CDC42BPA: variants seen among roughly 807,000 people sequenced by gnomAD.
CDC42BPA encodes CDC42 binding protein kinase alpha.
Under a neutral mutation model 223.5 loss-of-function variants are expected in CDC42BPA, and 80 were observed. The observed-to-expected ratio is 0.36, with a 90% confidence interval of 0.30 to 0.43. The LOEUF (loss-of-function observed/expected upper bound fraction) is 0.43, where lower values mean the gene tolerates loss of function less well. CDC42BPA is among the 20% of genes least tolerant of loss of function. The pLI is 1.00. For missense variants in CDC42BPA, 1,743 were observed against 2,099.9 expected (o/e 0.83, Z 3.32); for synonymous variants, 694 against 718.6 (o/e 0.97, Z 0.55).
At chr1:227,043,519 A>T (rs1032759757) in intron 23 of CDC42BPA, among the ~76,000 whole-genome samples, 2 of 152,150 alleles carry the variant, frequency 1.3e-5, no homozygotes, top group Non-Finnish European at 2.9e-5. Context: ...TCTTTTAAAA[A>T]ACATGAAATA....
At chr1:227,293,424 G>A (rs1266740893) in intron 1 of CDC42BPA, among the ~76,000 whole-genome samples, 2 of 151,550 alleles carry the variant, frequency 1.3e-5, no homozygotes, top group Non-Finnish European at 2.9e-5. Context: ...TATGAGAACT[G>A]GTTATACAAT....
rs1025840587 is a variant in CDC42BPA, at chr1:227,317,548, A to G, written c.-366T>C. 7.5e-6 allele frequency: 3 copies of G among 398,664 alleles called. No homozygotes were observed. The highest frequency in any genetic ancestry group is 1.3e-5 in the Non-Finnish European group (3 of 226,244). 24.7% of individuals were successfully genotyped at this position (398,664 alleles called of 1,614,324 possible). On this transcript the variant is annotated 5_prime_UTR_variant, in exon 1 of 37. Coordinates refer to ENST00000366766, the MANE Select transcript of CDC42BPA (RefSeq NM_001394014.1). ...AAAAAACTCTTCTCCTTCATTCAAA[A>G]TTCAACTCGTGCAACGTAATCCTGA...
intron 1 of CDC42BPA, among the ~76,000 whole-genome samples, chr1:227,296,689 G>C (rs1202395953): frequency 7.4e-6 from 1 of 135,412 alleles, no homozygotes; most frequent in Non-Finnish European, 1.5e-5. Flanking sequence ...CTGGGAAACA[G>C]AGAGAGACTC....
intron 6 of CDC42BPA, among the ~76,000 whole-genome samples, chr1:227,155,353 A>G (rs1311409226): frequency 6.6e-6 from 1 of 152,216 alleles, no homozygotes; most frequent in East Asian, 1.9e-4. Context: ...CAGACAAACT[A>G]TCAATACAAT....
chr1:227,318,111 C>G lies in CDC42BPA; in HGVS notation c.-929G>C. On this transcript the variant is annotated 5_prime_UTR_variant, in exon 1 of 37. Transcript: ENST00000366766. Reference sequence around the variant, plus strand: ...GGCAGAGAGCCCGGTCTCCCCGACACCCGCACCGGGCCGCCGCGCCGGAGG... The same window carrying G: ...GGCAGAGAGCCCGGTCTCCCCGACAGCCGCACCGGGCCGCCGCGCCGGAGG... 1.3e-5 allele frequency: 1 copy of G among 75,046 alleles called. No individual in the cohort carries two copies. The allele number at this position is 75,046 out of a possible 1,614,324, so 4.6% of individuals were successfully genotyped here. A position where few individuals can be genotyped will look rare whatever the true frequency, so the allele number is the denominator to read the frequency against.
chr1:227,008,604 T>C (rs564498344), intron 34 of CDC42BPA, among the ~76,000 whole-genome samples: 2 of 152,094 alleles, frequency 1.3e-5, no homozygotes, highest in Non-Finnish European at 1.5e-5. Flanking sequence ...CACTGAGCTT[T>C]CCTACATGCA....
chr1:227,091,655 CA>C (rs1488291521), intron 16 of CDC42BPA, among the ~76,000 whole-genome samples: 1 of 151,808 alleles, frequency 6.6e-6, no homozygotes, highest in Non-Finnish European at 1.5e-5. Context: ...ATAAGAGGCT[CA>C]AAAAAATATA....
Position 227,230,767 on chromosome 1 carries a change from A to C in CDC42BPA, c.271-17548T>G, listed in dbSNP as rs1161615955. Among the ~76,000 whole-genome samples the C allele has an allele frequency of 2.7e-5, 4 of 148,192 alleles. No homozygotes were observed. The East Asian group carries it at 8.0e-4, about 29-fold the overall frequency. ...GTGGTCTATTAATACTTAAAGATTT[A>C]TCTCTTCCTGTCCAATCCTGCTAAC... On this transcript the variant is annotated intron_variant, in intron 2 of 36. Coordinates refer to ENST00000366766, the MANE Select transcript of CDC42BPA (RefSeq NM_001394014.1).
rs71574598 is a variant in CDC42BPA at position 227,162,866 on chromosome 1, A to ATGTGTGTGTGTGTGTGTG, written c.600-2231_600-2230insCACACACACACACACACA. ...GAAAAAAATAAAATAAAATAAATATATATGTGTGTGTGTGTGTGTGTTTCC... is the reference window on the plus strand; with the variant it reads ...GAAAAAAATAAAATAAAATAAATATATGTGTGTGTGTGTGTGTGTATGTGTGTGTGTGTGTGTGTTTCC... On this transcript the variant is annotated intron_variant, in intron 5 of 36. Coordinates refer to ENST00000366766, the MANE Select transcript of CDC42BPA (RefSeq NM_001394014.1). Among the ~76,000 whole-genome samples the ATGTGTGTGTGTGTGTGTG allele has an allele frequency of 6.6e-3, 838 of 127,254 alleles. 6 individuals are homozygous for ATGTGTGTGTGTGTGTGTG. The highest frequency in any genetic ancestry group is 0.018 in the South Asian group (63 of 3,436). The allele number at this position is 127,254 out of a possible 152,430, so 83.5% of individuals were successfully genotyped here. A position where few individuals can be genotyped will look rare whatever the true frequency, so the allele number is the denominator to read the frequency against.
At chr1:227,123,981 A>G (rs1219497479) in intron 11 of CDC42BPA, among the ~76,000 whole-genome samples, 1 of 152,142 alleles carries the variant, frequency 6.6e-6, no homozygotes, top group Non-Finnish European at 1.5e-5. Flanking sequence ...TAAATTTTTC[A>G]TTTAGGAGAC....
chr1:227,299,442 A>G (rs1339052253), intron 1 of CDC42BPA, among the ~76,000 whole-genome samples: 2 of 152,132 alleles, frequency 1.3e-5, no homozygotes, highest in African/African-American at 2.4e-5. Flanking sequence ...TTTTAAATGG[A>G]ATGGTTTACA....
At chr1:227,207,611 C>T (rs889681408) in intron 3 of CDC42BPA, among the ~76,000 whole-genome samples, 7 of 149,224 alleles carry the variant, frequency 4.7e-5, no homozygotes, top group Admixed American at 2.0e-4. Context: ...TAAGAATATG[C>T]GGTGTTTGGT....
intron 8 of CDC42BPA, among the ~76,000 whole-genome samples, chr1:227,145,006 G>A (rs1558604750): frequency 1.3e-5 from 2 of 152,164 alleles, no homozygotes; most frequent in Non-Finnish European, 2.9e-5. Context: ...AGTCAGTAGT[G>A]GGGATGGACG....
chr1:227,002,718 C>T (rs1370183490), intron 35 of CDC42BPA, among the ~76,000 whole-genome samples: 1 of 152,144 alleles, frequency 6.6e-6, no homozygotes, highest in Non-Finnish European at 1.5e-5. Context: ...TGGAGAGGCC[C>T]ACATTGGCAA....
At chr1:227,110,287 C>A (rs1375546848) in intron 14 of CDC42BPA, among the ~76,000 whole-genome samples, 1 of 152,034 alleles carries the variant, frequency 6.6e-6, no homozygotes, top group African/African-American at 2.4e-5. Flanking sequence ...TTTAAAAGGG[C>A]CAAAATATGT....
intron 1 of CDC42BPA, among the ~76,000 whole-genome samples, chr1:227,308,776 C>T (rs1457772838): frequency 6.6e-6 from 1 of 152,072 alleles, no homozygotes; most frequent in Non-Finnish European, 1.5e-5. Flanking sequence ...AGGTGTTCTA[C>T]TTGTAGATAT....
intron 5 of CDC42BPA, among the ~76,000 whole-genome samples, chr1:227,192,659 G>C (rs1042030670): frequency 6.6e-6 from 1 of 152,064 alleles, no homozygotes. Context: ...AAATGTGAGG[G>C]TACCTTTTAA....
At chr1:227,173,688 A>G (rs568972707) in intron 5 of CDC42BPA, among the ~76,000 whole-genome samples, 16 of 152,268 alleles carry the variant, frequency 1.1e-4, no homozygotes, top group Non-Finnish European at 2.2e-4. Flanking sequence ...CCAAGAAAGA[A>G]TGATGTAAGC....
intron 5 of CDC42BPA, among the ~76,000 whole-genome samples, chr1:227,168,497 G>GTTTTTTTTTTTGTTTTT (rs1665481877): frequency 6.2e-5 from 5 of 80,196 alleles, no homozygotes; most frequent in African/African-American, 2.0e-4. Flanking sequence ...CTTCCCTGGT[G>GTTTTTTTTTTTGTTTTT]TTTTTTTTTT....
Sources: allele counts gnomAD v4.1 joint callset (sites outside exome capture counted in the v4.1 genomes callset), GRCh38; gene constraint gnomAD v4.1.1; transcripts MANE v1.5; gene names NCBI Gene and HGNC (gene_info 2026-07-23, HGNC 2026-07-21).